ALG14: variants seen among roughly 807,000 people sequenced by gnomAD.
ALG14 encodes the protein ALG14 UDP-N-acetylglucosaminyltransferase subunit.
A neutral mutation model predicts 22.8 loss-of-function variants in ALG14; 17 were observed. The ratio of observed to expected loss-of-function variants is 0.75; its 90% CI spans 0.51 to 1.12. The LOEUF is 1.12. ALG14 is among the 50% of genes most tolerant of loss of function. The pLI is 0.00. For synonymous variants in ALG14, 89 were observed against 103.7 expected (o/e 0.86, Z 0.86); for missense variants, 288 against 271.8 (o/e 1.06, Z -0.42).
intron 3 of ALG14, among the ~76,000 whole-genome samples, chr1:95,011,825 A>G (rs748449571): frequency 8.5e-5 from 13 of 152,238 alleles, no homozygotes; most frequent in African/African-American, 3.1e-4. Context: ...CTTTATTATT[A>G]GAATCTAAAA....
At chr1:95,065,645 T>TAG (rs1230549069) in intron 1 of ALG14, among the ~76,000 whole-genome samples, 5 of 152,098 alleles carry the variant, frequency 3.3e-5, no homozygotes, top group African/African-American at 1.2e-4. Flanking sequence ...AGGTTCTATG[T>TAG]AGAGAAGTAA....
chr1:95,067,232 A>C lies in ALG14; in HGVS notation c.137-2215T>G, dbSNP rs903791788. 2.6e-5 allele frequency: 4 copies of C among 152,266 alleles called. No individual in the cohort carries two copies. The South Asian group carries it at 6.2e-4, about 24-fold the overall frequency. The allele number at this position is 152,266 out of a possible 1,614,324, so 9.4% of individuals were successfully genotyped here. Reference sequence around the variant, plus strand: ...GCCACTGCAACCTTATGCAAAAAAAAACTTCTGCAAGGACATCTGCCCAGC... The same window carrying C: ...GCCACTGCAACCTTATGCAAAAAAACACTTCTGCAAGGACATCTGCCCAGC... On this transcript the variant is annotated intron_variant, in intron 1 of 3. Transcript: ENST00000370205.
In ALG14 at chr1:94,983,845, G is replaced by A. The variant is rs113240455; in HGVS notation, c.421-539C>T. On this transcript the variant is annotated intron_variant, in intron 3 of 3. Coordinates refer to ENST00000370205, the MANE Select transcript of ALG14 (RefSeq NM_144988.4). ...CAACCTCTGCCTCCCGGGTTCAAGCGATTCTCCTGCCTCAGCCTCCTGAGT... is the reference window on the plus strand; with the variant it reads ...CAACCTCTGCCTCCCGGGTTCAAGCAATTCTCCTGCCTCAGCCTCCTGAGT... Among the ~76,000 whole-genome samples the A allele has an allele frequency of 9.2e-3, 1,398 of 151,708 alleles. 29 individuals are homozygous for A. In the East Asian group the frequency reaches 0.11, roughly 12 times the overall value.
intron 3 of ALG14, among the ~76,000 whole-genome samples, chr1:95,019,329 G>T (rs1045963355): frequency 6.6e-6 from 1 of 152,106 alleles, no homozygotes; most frequent in African/African-American, 2.4e-5. Context: ...TTATCAGCAG[G>T]GACCTTCTTG....
At position 95,041,613 on chromosome 1, in the gene ALG14, CT is replaced by C. The variant is rs1217291578; in HGVS notation, c.289-14354del. 2.0e-4 allele frequency: 27 copies of C among 136,844 alleles called. No homozygotes were observed. The South Asian group carries it at 4.7e-3, about 24-fold the overall frequency. 8.5% of individuals were successfully genotyped at this position (136,844 alleles called of 1,614,324 possible). On this transcript the variant is annotated intron_variant, in intron 2 of 3. Coordinates refer to ENST00000370205, the MANE Select transcript of ALG14 (RefSeq NM_144988.4). ...CTGGGCAGACAGTGAGACCCCGTCT[CT>C]TTAAAAAAAAAAAAAAAGAAAGAAA...
chr1:94,980,486 C>G lies in ALG14; in HGVS notation c.*2590G>C, dbSNP rs763766973. ...TAATTTTTTCATGAACAGTCTCCTA[C>G]AGTAAAAGTTGCATTCAGAGTGTTC... On this transcript the variant is annotated 3_prime_UTR_variant, in exon 4 of 4. Coordinates refer to ENST00000370205, the MANE Select transcript of ALG14 (RefSeq NM_144988.4). 2.6e-5 allele frequency: 4 copies of G among 152,194 alleles called. No individual in the cohort carries two copies. Among genetic ancestry groups the G allele is most frequent in the Admixed American group, 6.5e-5 (1 of 15,268 alleles). 9.4% of individuals were successfully genotyped at this position (152,194 alleles called of 1,614,324 possible).
intron 2 of ALG14, chr1:95,036,016 G>T (rs781324084): frequency 2.6e-5 from 4 of 152,164 alleles, no homozygotes; most frequent in South Asian, 2.1e-4. Context: ...TAATCATTAT[G>T]AAATCAAGAT....
chr1:95,072,620 C>G, intron 1 of ALG14, 143 bp downstream of exon 1: 1 of 1,264,130 alleles, frequency 7.9e-7, no homozygotes, highest in Non-Finnish European at 1.1e-6. Flanking sequence ...CTGGACTGCC[C>G]GGTTCCGGCA....
At chr1:95,046,786 T>C (rs1278752161) in intron 2 of ALG14, among the ~76,000 whole-genome samples, 1 of 152,190 alleles carries the variant, frequency 6.6e-6, no homozygotes, top group Non-Finnish European at 1.5e-5. Context: ...AACAATACTA[T>C]AGTTTACAAT....
At chr1:95,054,802 C>T (rs774899025) in intron 2 of ALG14, among the ~76,000 whole-genome samples, 4 of 152,176 alleles carry the variant, frequency 2.6e-5, no homozygotes, top group Non-Finnish European at 4.4e-5. Context: ...GTTGTCTATA[C>T]TCCACAGCTC....
chr1:94,983,189 T>C lies in ALG14; in HGVS notation c.538A>G (p.Thr180Ala), dbSNP rs1357584698. 1 of 1,614,024 alleles carries C rather than the reference T, an allele frequency of 6.2e-7. No individual in the cohort carries two copies. Residue 180 changes from threonine to alanine, a missense_variant, in exon 4 of 4, where the codon ACG (threonine) becomes GCG (alanine). Thr to Ala is a moderately conservative substitution (Grantham distance 58). Coordinates refer to ENST00000370205, the MANE Select transcript of ALG14 (RefSeq NM_144988.4). Reference sequence around the variant, plus strand: ...AGAATCTTTCCGGACATGGATAACGTTTCTACACGGCAGATGCTTTCAACG... The same window carrying C: ...AGAATCTTTCCGGACATGGATAACGCTTCTACACGGCAGATGCTTTCAACG... Reference protein sequence around the residue: ...VYVESICRVETLSMSGKILFH... With the variant: ...VYVESICRVEALSMSGKILFH...
chr1:94,995,200 AGAT>A (rs1487361454), intron 3 of ALG14, among the ~76,000 whole-genome samples: 2 of 152,224 alleles, frequency 1.3e-5, no homozygotes, highest in South Asian at 2.1e-4. Context: ...TTTTTATAGA[AGAT>A]GATCTGATTC....
intron 2 of ALG14, among the ~76,000 whole-genome samples, chr1:95,054,405 C>T (rs1490284603): frequency 6.6e-6 from 1 of 152,156 alleles, no homozygotes; most frequent in East Asian, 1.9e-4. Flanking sequence ...CCTCCTTTGC[C>T]TTCTGCCATG....
rs1324659681 is a variant in ALG14 at position 94,981,812 on chromosome 1, G to T, written c.*1264C>A. The T allele has an allele frequency of 6.6e-6, 1 of 151,608 alleles. No individual in the cohort carries two copies. The highest frequency in any genetic ancestry group is 1.5e-5 in the Non-Finnish European group (1 of 67,912). The allele number at this position is 151,608 out of a possible 1,614,324, so 9.4% of individuals were successfully genotyped here. On this transcript the variant is annotated 3_prime_UTR_variant, in exon 4 of 4. Coordinates refer to ENST00000370205, the MANE Select transcript of ALG14 (RefSeq NM_144988.4). Reference sequence around the variant, plus strand: ...TTGTACTTCTATTCCAGTAGACATGGCACCACTAGAAACACAGTCTCAAGC... The same window carrying T: ...TTGTACTTCTATTCCAGTAGACATGTCACCACTAGAAACACAGTCTCAAGC...
Position 94,978,844 on chromosome 1 carries a change from T to TAATAATAAAAAA in ALG14, c.*4231_*4232insTTTTTTATTATT, listed in dbSNP as rs1672443781. 1 of 143,598 alleles carries TAATAATAAAAAA rather than the reference T, an allele frequency of 7.0e-6. No homozygotes were observed. 8.9% of individuals were successfully genotyped at this position (143,598 alleles called of 1,614,324 possible). A position where few individuals can be genotyped will look rare whatever the true frequency, so the allele number is the denominator to read the frequency against. ...TTGAGGACATTTTTTCTTTTTTCTT[T>TAATAATAAAAAA]AAAAAAAAAAAAAAACACCTAACGT... is the stretch of plus-strand genomic sequence containing the variant. On this transcript the variant is annotated 3_prime_UTR_variant, in exon 4 of 4. Coordinates refer to ENST00000370205, the MANE Select transcript of ALG14 (RefSeq NM_144988.4).
At chr1:94,983,790 G>A (rs1343889072) in intron 3 of ALG14, among the ~76,000 whole-genome samples, 1 of 151,170 alleles carries the variant, frequency 6.6e-6, no homozygotes, top group African/African-American at 2.4e-5. Flanking sequence ...TGTCCAGGCT[G>A]GAGTGCAGTG....
intron 1 of ALG14, chr1:95,067,195 C>T (rs568870959): frequency 1.3e-5 from 2 of 152,318 alleles, no homozygotes; most frequent in Non-Finnish European, 2.9e-5. Context: ...AAAACCACAA[C>T]CTTGTACAAA....
chr1:95,052,857 G>GAAAAAAAAA (rs57458273), intron 2 of ALG14, among the ~76,000 whole-genome samples: 1 of 119,494 alleles, frequency 8.4e-6, no homozygotes, highest in Non-Finnish European at 1.7e-5. Context: ...ACTGCATCTC[G>GAAAAAAAAA]AAAAAAAAAA....
intron 2 of ALG14, among the ~76,000 whole-genome samples, chr1:95,047,717 C>T (rs746413593): frequency 2.0e-5 from 3 of 152,200 alleles, no homozygotes; most frequent in South Asian, 2.1e-4. Context: ...TGGTGAGTCA[C>T]GCCTGTAATC....
Sources: allele counts gnomAD v4.1 joint callset (sites outside exome capture counted in the v4.1 genomes callset), GRCh38; gene constraint gnomAD v4.1.1; transcripts MANE v1.5; gene names NCBI Gene and HGNC (gene_info 2026-07-23, HGNC 2026-07-21).